Variants in MMP16 observed in about 807,000 individuals in gnomAD.
MMP16 encodes the protein matrix metallopeptidase 16, also known as matrix metalloproteinase-16.
In MMP16, 12 loss-of-function variants were observed where a neutral mutation model predicts 67.8. The ratio of observed to expected loss-of-function variants is 0.18; its 90% CI spans 0.11 to 0.29. The LOEUF (loss-of-function observed/expected upper bound fraction) is 0.29, where lower values mean the gene tolerates loss of function less well. Ranked by LOEUF, MMP16 falls within the 10% of genes least tolerant of loss-of-function variation. The pLI, the probability that MMP16 is intolerant of heterozygous loss-of-function variation, is 1.00. For missense variants in MMP16, 475 were observed against 765.7 expected (o/e 0.62, Z 4.48); for synonymous variants, 249 against 255.9 (o/e 0.97, Z 0.26).
chr8:88,225,956 T>C (rs182829677), intron 1 of MMP16, among the ~76,000 whole-genome samples: 30 of 152,058 alleles, frequency 2.0e-4, no homozygotes, highest in African/African-American at 7.0e-4. Flanking sequence ...TTCATTCCCT[T>C]ATCCATTTTT....
Position 88,123,621 on chromosome 8 carries a change from T to C in MMP16, c.710-4760A>G, listed in dbSNP as rs565371251. On this transcript the variant is annotated intron_variant, in intron 4 of 9. Transcript: ENST00000286614. ...TGAACTATAAATGTCACTGAACTTG[T>C]TACTGAAACATCATGACCTAAACAT... is the stretch of plus-strand genomic sequence containing the variant. Among the ~76,000 whole-genome samples, 4 of 151,986 alleles carry C rather than the reference T, an allele frequency of 2.6e-5. 1 individual carries two copies. The South Asian group carries it at 8.3e-4, about 32-fold the overall frequency.
At chr8:88,061,769 T>C (rs1318920995) in intron 7 of MMP16, among the ~76,000 whole-genome samples, 2 of 152,154 alleles carry the variant, frequency 1.3e-5, no homozygotes, top group Non-Finnish European at 2.9e-5. Flanking sequence ...TTATAAAAAC[T>C]ATGCATTGAA....
intron 1 of MMP16, among the ~76,000 whole-genome samples, chr8:88,237,225 T>G (rs913066973): frequency 6.6e-6 from 1 of 152,202 alleles, no homozygotes; most frequent in Admixed American, 6.5e-5. Context: ...CTGAAATTCT[T>G]TTTGTTCAAC....
chr8:88,175,871 G>T (rs1808881358), intron 3 of MMP16, among the ~76,000 whole-genome samples: 1 of 152,112 alleles, frequency 6.6e-6, no homozygotes, highest in African/African-American at 2.4e-5. Flanking sequence ...GTTTTATAAA[G>T]GATTGTTATT....
chr8:88,106,381 T>C (rs1809241990), intron 6 of MMP16, among the ~76,000 whole-genome samples: 3 of 151,314 alleles, frequency 2.0e-5, no homozygotes, highest in Non-Finnish European at 4.4e-5. Flanking sequence ...TGTATTACAT[T>C]GGCTAGGCTA....
At position 88,035,373 on chromosome 8, in the gene MMP16, T is replaced by C. The variant is rs546669115; in HGVS notation, c.*6088A>G. The stretch of plus-strand genomic sequence containing the variant: ...TGTGCCCTTTAATGTGAGGACACGC[T>C]GAGTGCACATTTGAATATCATCCCC... On this transcript the variant is annotated 3_prime_UTR_variant, in exon 10 of 10. Transcript: ENST00000286614. This position sits in a 1 kb window ranked among gnomAD's most constrained non-coding sequence, Gnocchi z 4.7. 39 of 152,214 alleles carry C rather than the reference T, an allele frequency of 2.6e-4. No individual in the cohort carries two copies. Among genetic ancestry groups the C allele is most frequent in the African/African-American group, 9.1e-4 (38 of 41,578 alleles). 9.4% of individuals were successfully genotyped at this position (152,214 alleles called of 1,614,324 possible). A position where few individuals can be genotyped will look rare whatever the true frequency, so the allele number is the denominator to read the frequency against.
chr8:88,139,590 T>C (rs576315226), intron 4 of MMP16, among the ~76,000 whole-genome samples: 1 of 152,160 alleles, frequency 6.6e-6, no homozygotes, highest in Admixed American at 6.6e-5. Context: ...AAAGCAGGGA[T>C]AATTGCCAGT....
chr8:88,245,811 G>A (rs563708142), intron 1 of MMP16, among the ~76,000 whole-genome samples: 2 of 152,236 alleles, frequency 1.3e-5, no homozygotes, highest in Non-Finnish European at 2.9e-5. Context: ...GAAAAGTGAT[G>A]CACATTCCCA....
intron 6 of MMP16, among the ~76,000 whole-genome samples, chr8:88,108,487 A>G (rs570720373): frequency 6.6e-6 from 1 of 151,372 alleles, no homozygotes; most frequent in East Asian, 2.0e-4. Flanking sequence ...AATGGTTACT[A>G]TATGTTTCAA....
At chr8:88,261,790 C>CACAT (rs1810392510) in intron 1 of MMP16, among the ~76,000 whole-genome samples, 1 of 151,648 alleles carries the variant, frequency 6.6e-6, no homozygotes, top group African/African-American at 2.4e-5. Flanking sequence ...CACACACACA[C>CACAT]ACAACCATAT....
chr8:88,236,476 G>C (rs979892443), intron 1 of MMP16, among the ~76,000 whole-genome samples: 12 of 152,116 alleles, frequency 7.9e-5, no homozygotes, highest in African/African-American at 2.9e-4. Context: ...CAGCCCTAGG[G>C]CCAGGCACAG....
intron 1 of MMP16, among the ~76,000 whole-genome samples, chr8:88,242,506 A>G (rs1241557558): frequency 6.6e-6 from 1 of 152,200 alleles, no homozygotes. Context: ...AGCAATATAA[A>G]GAAGTGTGGC....
intron 4 of MMP16, among the ~76,000 whole-genome samples, chr8:88,151,511 A>G (rs1470305977): frequency 6.8e-6 from 1 of 147,450 alleles, no homozygotes. Flanking sequence ...ATAACAAACT[A>G]TCTCTCAGAC....
intron 1 of MMP16, among the ~76,000 whole-genome samples, chr8:88,265,223 C>CTTTTTTTTT (rs398008661): frequency 0.027 from 2,725 of 100,602 alleles, 302 homozygotes; most frequent in African/African-American, 0.091. Flanking sequence ...TGACCATTTC[C>CTTTTTTTTT]TTTTTTTTTT....
At chr8:88,298,471 T>G (rs1427618829) in intron 1 of MMP16, among the ~76,000 whole-genome samples, 1 of 152,112 alleles carries the variant, frequency 6.6e-6, no homozygotes, top group African/African-American at 2.4e-5. Context: ...TTCAGGAAAT[T>G]CTACAACTGT....
chr8:88,207,183 A>C (rs1437635976), intron 1 of MMP16, among the ~76,000 whole-genome samples: 1 of 152,210 alleles, frequency 6.6e-6, no homozygotes, highest in African/African-American at 2.4e-5. Flanking sequence ...AACGTATTAA[A>C]ACTTAGGCAC....
chr8:88,234,004 C>G (rs956551392), intron 1 of MMP16, among the ~76,000 whole-genome samples: 1 of 152,052 alleles, frequency 6.6e-6, no homozygotes, highest in Non-Finnish European at 1.5e-5. Context: ...CTAAATCCAG[C>G]CTATTAAGAA....
intron 1 of MMP16, among the ~76,000 whole-genome samples, chr8:88,218,632 T>TA (rs1809631066): frequency 6.6e-6 from 1 of 152,026 alleles, no homozygotes; most frequent in Non-Finnish European, 1.5e-5. Context: ...TATACCTTGA[T>TA]AAAACTGGAA....
At chr8:88,308,152 C>A (rs940179791) in intron 1 of MMP16, among the ~76,000 whole-genome samples, 1 of 152,006 alleles carries the variant, frequency 6.6e-6, no homozygotes, top group Admixed American at 6.6e-5. Context: ...CATTACTGGC[C>A]ACAATTCTTC....
Sources: gnomAD v4.1 joint callset for allele counts (sites outside exome capture counted in the v4.1 genomes callset) on GRCh38, gnomAD v4.1.1 for gene constraint, Gnocchi (gnomAD v3.1) non-coding constraint, MANE v1.5 for transcripts, NCBI Gene and HGNC (gene_info 2026-07-23, HGNC 2026-07-21) for gene names.